Variants in AKR1C3 observed in about 807,000 individuals in gnomAD.
The protein encoded by AKR1C3 is aldo-keto reductase family 1 member C3.
AKR1C3 carries 48 observed loss-of-function variants against 43.6 expected under a neutral mutation model. That is an observed-to-expected ratio of 1.10 (90% CI 0.87 to 1.40). The LOEUF (loss-of-function observed/expected upper bound fraction) is 1.40, where lower values mean the gene tolerates loss of function less well. AKR1C3 is among the 40% of genes most tolerant of loss of function. The pLI, the probability that AKR1C3 is intolerant of heterozygous loss-of-function variation, is 0.00. For synonymous variants in AKR1C3, 162 were observed against 139.6 expected, an observed-to-expected ratio of 1.16 and a Z score of -1.13; for missense variants, 482 against 391.2, an observed-to-expected ratio of 1.23 and a Z score of -1.96.
At chr10:5,066,884 A>G (rs1554780847) in intron 1 of AKR1C3, among the ~76,000 whole-genome samples, 3 of 152,174 alleles carry the variant, frequency 2.0e-5, no homozygotes, top group African/African-American at 7.2e-5. Flanking sequence ...AATTTGCTAT[A>G]GAGCATATAA....
chr10:5,068,679 C>T lies in AKR1C3; in HGVS notation c.84+19784C>T, dbSNP rs373470650. On this transcript the variant is annotated intron_variant, in intron 1 of 8. Transcript: ENST00000439082. ...AGAATGTTTCCAGCATAGTTAGGGGCATGGCCAACTCCCCATGGAGAGGGG... is the reference window on the plus strand; with the variant it reads ...AGAATGTTTCCAGCATAGTTAGGGGTATGGCCAACTCCCCATGGAGAGGGG... Among the ~76,000 whole-genome samples, 7 of 152,242 alleles carry T rather than the reference C, an allele frequency of 4.6e-5. No homozygotes were observed. The East Asian group carries it at 7.7e-4, about 17-fold the overall frequency.
chr10:5,101,267 A>AT (rs1170132671), intron 5 of AKR1C3, among the ~76,000 whole-genome samples: 2 of 152,204 alleles, frequency 1.3e-5, no homozygotes, highest in Non-Finnish European at 2.9e-5. Flanking sequence ...TCCATGACAA[A>AT]TTTTCACATA....
intron 7 of AKR1C3, 107 bp downstream of exon 7, chr10:5,102,757 T>A (rs1839389450): frequency 6.6e-7 from 1 of 1,510,896 alleles, no homozygotes; most frequent in African/African-American, 1.4e-5. Flanking sequence ...TTTCCCTGTA[T>A]TTCCCATATG....
intron 1 of AKR1C3, among the ~76,000 whole-genome samples, chr10:5,088,663 T>C (rs1014294084): frequency 8.6e-5 from 13 of 151,742 alleles, no homozygotes; most frequent in African/African-American, 3.1e-4. Flanking sequence ...GACATTGATA[T>C]ATCATGTAAA....
chr10:5,092,399 CCTT>C (rs1839113346), upstream of AKR1C3, among the ~76,000 whole-genome samples: 1 of 151,736 alleles, frequency 6.6e-6, no homozygotes, highest in African/African-American at 2.4e-5. Context: ...TCCTGCTTCT[CCTT>C]CTCAGAATCC....
At chr10:5,067,176 T>A (rs1838523897) in intron 1 of AKR1C3, among the ~76,000 whole-genome samples, 1 of 152,146 alleles carries the variant, frequency 6.6e-6, no homozygotes, top group Non-Finnish European at 1.5e-5. Context: ...GCAAATTCCT[T>A]AAACAAAAGT....
At chr10:5,099,769 A>G in intron 5 of AKR1C3, 1 of 331,268 alleles carries the variant, frequency 3.0e-6, no homozygotes, top group Non-Finnish European at 5.6e-6. Flanking sequence ...ATGACCAGAA[A>G]GTGCATGGGT....
intron 1 of AKR1C3, among the ~76,000 whole-genome samples, chr10:5,067,495 T>A (rs1396352279): frequency 6.6e-6 from 1 of 152,224 alleles, no homozygotes; most frequent in Non-Finnish European, 1.5e-5. Context: ...CAAGATCTTC[T>A]GATGTTCTCA....
chr10:5,067,626 A>G (rs1258077241), intron 1 of AKR1C3, among the ~76,000 whole-genome samples: 1 of 152,220 alleles, frequency 6.6e-6, no homozygotes, highest in Non-Finnish European at 1.5e-5. Flanking sequence ...GAAAACATGC[A>G]TTGAAAATAA....
chr10:5,091,230 AAGAG>A (rs1313940609), upstream of AKR1C3, among the ~76,000 whole-genome samples: 1 of 152,104 alleles, frequency 6.6e-6, no homozygotes, highest in Non-Finnish European at 1.5e-5. Flanking sequence ...TGATGCAGGA[AAGAG>A]AGAATGAGAA....
intron 7 of AKR1C3, 129 bp from the exon 8 acceptor site, chr10:5,105,466 G>C (rs1839476222): frequency 1.6e-6 from 1 of 644,006 alleles, no homozygotes; most frequent in Non-Finnish European, 2.7e-6. Context: ...TGAGTGTTTA[G>C]AGCTGACTTC....
intron 1 of AKR1C3, among the ~76,000 whole-genome samples, chr10:5,052,824 G>C (rs1224469981): frequency 6.6e-6 from 1 of 152,006 alleles, no homozygotes; most frequent in South Asian, 2.1e-4. Context: ...CACAAACCCT[G>C]AGCTAGATGC....
At chr10:5,103,827 G>C (rs72774020) in intron 7 of AKR1C3, among the ~76,000 whole-genome samples, 9,478 of 152,170 alleles carry the variant, frequency 0.062, 351 homozygotes, top group Middle Eastern at 0.086. Context: ...GAAAGAGCTA[G>C]AAATTCATAT....
intron 1 of AKR1C3, among the ~76,000 whole-genome samples, chr10:5,061,647 A>G (rs1838385738): frequency 6.6e-6 from 1 of 152,238 alleles, no homozygotes; most frequent in African/African-American, 2.4e-5. Flanking sequence ...CAGAGCTGAG[A>G]GTCAGGCCTG....
In AKR1C3 at chr10:5,107,575, C is replaced by G. The variant is rs143001747; in HGVS notation, c.*72C>G. ...GGTGACGCAGAGGACGTCTCTATGC[C>G]GGTGACTGGACATATCACCTCTACT... On this transcript the variant is annotated 3_prime_UTR_variant, in exon 9 of 9. Transcript: ENST00000380554. 4 of 1,245,186 alleles carry G rather than the reference C, an allele frequency of 3.2e-6. No homozygotes were observed. In the East Asian group the frequency reaches 9.5e-5, roughly 29 times the overall value. The allele number at this position is 1,245,186 out of a possible 1,614,324, so 77.1% of individuals were successfully genotyped here. A position where few individuals can be genotyped will look rare whatever the true frequency, so the allele number is the denominator to read the frequency against.
Position 5,061,452 on chromosome 10 carries a change from G to A in AKR1C3, c.84+12557G>A, listed in dbSNP as rs1469771644. ...AGCCTAGGAATGAGGCATCCCTATGGGAGGGGTGTTCAGTGAGGAGGGAGG... is the reference window on the plus strand; with the variant it reads ...AGCCTAGGAATGAGGCATCCCTATGAGAGGGGTGTTCAGTGAGGAGGGAGG... On this transcript the variant is annotated intron_variant, in intron 1 of 8. Transcript: ENST00000439082. Among the ~76,000 whole-genome samples the A allele has an allele frequency of 2.6e-5, 4 of 152,190 alleles. No individual in the cohort carries two copies. In the East Asian group the frequency reaches 5.8e-4, roughly 22 times the overall value.
At chr10:5,090,507 G>A (rs1456375965), upstream of AKR1C3, among the ~76,000 whole-genome samples, 1 of 152,094 alleles carries the variant, frequency 6.6e-6, no homozygotes, top group Non-Finnish European at 1.5e-5. Flanking sequence ...GCTCTCTAAG[G>A]AAGTGATAAT....
At chr10:5,059,180 G>A (rs1020956913) in intron 1 of AKR1C3, among the ~76,000 whole-genome samples, 32 of 152,266 alleles carry the variant, frequency 2.1e-4, no homozygotes, top group African/African-American at 6.5e-4. Context: ...CAAAAATTAT[G>A]TCTTTCTGAT....
chr10:5,063,586 A>G (rs1244267788), intron 1 of AKR1C3, among the ~76,000 whole-genome samples: 3 of 151,852 alleles, frequency 2.0e-5, no homozygotes, highest in Admixed American at 1.3e-4. Flanking sequence ...ACTTGAGGCC[A>G]GAAGTTTGAG....
Sources: allele counts gnomAD v4.1 joint callset (sites outside exome capture counted in the v4.1 genomes callset), GRCh38; gene constraint gnomAD v4.1.1; transcripts MANE v1.5; gene names NCBI Gene and HGNC (gene_info 2026-07-23, HGNC 2026-07-21).